The following MAP4K1 variants were observed in gnomAD, a reference collection of about 807,000 sequenced individuals.
MAP4K1 encodes MAPK/ERK kinase kinase kinase 1.
A neutral mutation model predicts 122.8 loss-of-function variants in MAP4K1; 35 were observed. That is an observed-to-expected ratio of 0.29 (90% CI 0.22 to 0.38). The LOEUF (loss-of-function observed/expected upper bound fraction) is 0.38. Ranked by LOEUF, MAP4K1 falls within the 10% of genes least tolerant of loss-of-function variation. The probability of loss-of-function intolerance (pLI) is 1.00; values close to 1 mark genes in which losing one functional copy is unlikely to be tolerated. For missense variants in MAP4K1, 791 were observed against 1,072.6 expected (o/e 0.74, Z 3.67); for synonymous variants, 412 against 421.3 (o/e 0.98, Z 0.27).
rs922912967 is a variant in MAP4K1, at chr19:38,605,259, A to G, written c.1446+150T>C. The G allele has an allele frequency of 9.6e-6, 6 of 626,964 alleles. No individual in the cohort carries two copies. In the Admixed American group the frequency reaches 1.2e-4, roughly 12 times the overall value. The allele number at this position is 626,964 out of a possible 1,614,324, so 38.8% of individuals were successfully genotyped here. A position where few individuals can be genotyped will look rare whatever the true frequency, so the allele number is the denominator to read the frequency against. On this transcript the variant is annotated intron_variant, in intron 19 of 30. Transcript: ENST00000396857. Reference sequence around the variant, plus strand: ...TCTTCACTCTGTGAAGCTTTATGCCATGTAATGATAGGAGATAAGTGTAGG... The same window carrying G: ...TCTTCACTCTGTGAAGCTTTATGCCGTGTAATGATAGGAGATAAGTGTAGG...
Position 38,606,168 on chromosome 19 carries a change from C to T in MAP4K1, c.1200+5G>A. ...CAGCCTCCCAGCTCTGGCCCAGGGC[C>T]TTACCTTGGGGGGAAGTGGAGGAGG... On this transcript the variant is annotated splice_donor_5th_base_variant and intron_variant, in intron 17 of 30. Transcript: ENST00000396857. The T allele has an allele frequency of 6.3e-7, 1 of 1,582,078 alleles. No homozygotes were observed. The highest frequency in any genetic ancestry group is 2.3e-5 in the East Asian group (1 of 44,062).
intron 19 of MAP4K1, 181 bp from the exon 20 acceptor site, chr19:38,601,706 A>T: frequency 3.6e-6 from 2 of 557,590 alleles, no homozygotes; most frequent in South Asian, 4.4e-5. Flanking sequence ...TTTTCTTTTC[A>T]GTTTGTTTTT....
At chr19:38,612,815 A>C (rs1975537975) in intron 8 of MAP4K1, 73 bp from the exon 9 acceptor site, 1 of 1,537,578 alleles carries the variant, frequency 6.5e-7, no homozygotes, top group African/African-American at 1.4e-5. Context: ...GAGAAGGAGA[A>C]GGAGTTGAGG....
Position 38,597,290 on chromosome 19 carries a change from G to GC in MAP4K1, c.1837+35dup. 1 of 1,612,776 alleles carries GC rather than the reference G, an allele frequency of 6.2e-7. No individual in the cohort carries two copies. Among genetic ancestry groups the GC allele is most frequent in the Non-Finnish European group, 8.5e-7 (1 of 1,179,334 alleles). The stretch of plus-strand genomic sequence containing the variant: ...CAAGCCCCTCCTCTGGCCTGGCCCC[G>GC]CCCACTCTCTGCACACCCGTGAAGC... On this transcript the variant is annotated intron_variant, in intron 24 of 30. Coordinates refer to ENST00000396857, the MANE Select transcript of MAP4K1 (RefSeq NM_001042600.3). This position sits in a 1 kb window ranked among gnomAD's most constrained non-coding sequence, Gnocchi z 4.6.
At chr19:38,608,054 C>G (rs376908851) in intron 14 of MAP4K1, 21 bp from the exon 15 acceptor site, 2 of 1,581,560 alleles carry the variant, frequency 1.3e-6, no homozygotes, top group East Asian at 2.2e-5. Context: ...GGAAAAGGGT[C>G]AGCAGTGGCC....
chr19:38,600,945 A>G (rs1975043555), intron 20 of MAP4K1, among the ~76,000 whole-genome samples: 1 of 151,642 alleles, frequency 6.6e-6, no homozygotes, highest in Non-Finnish European at 1.5e-5. Flanking sequence ...AGCTGGGATT[A>G]TAGGCACGTG....
intron 19 of MAP4K1, among the ~76,000 whole-genome samples, chr19:38,602,857 CAT>C (rs1427127369): frequency 5.5e-5 from 8 of 145,894 alleles, no homozygotes; most frequent in Non-Finnish European, 1.2e-4. Context: ...TACACATATA[CAT>C]ATATACACAT....
rs1353789866 is a variant in MAP4K1, at chr19:38,599,218, C to A, written c.1669+707G>T. ...AAAAAAAAAGCCAGTCATGATGGCT[C>A]ACATCTGTAATACCAGCTACTCGGG... is the stretch of plus-strand genomic sequence containing the variant. On this transcript the variant is annotated intron_variant, in intron 22 of 30. Transcript: ENST00000396857. Among the ~76,000 whole-genome samples, 4 of 148,868 alleles carry A rather than the reference C, an allele frequency of 2.7e-5. No homozygotes were observed. In the Admixed American group the frequency reaches 2.7e-4, roughly 10 times the overall value.
Position 38,595,728 on chromosome 19 carries a change from G to A in MAP4K1, c.2181C>T (p.Gly727=), listed in dbSNP as rs780983450. The change falls in exon 28 of 31, where the codon GGC becomes GGT. Residue 727 remains glycine, a splice_region_variant and synonymous_variant. Coordinates refer to ENST00000396857, the MANE Select transcript of MAP4K1 (RefSeq NM_001042600.3). ...EEDMVMVLMD[G]SVKLVTPEGS... ...CCTCCGGGGTCACCAGCTTCACAGAGCCTGGAAGGAGATAGACGGTTTTAA... is the reference window on the plus strand; with the variant it reads ...CCTCCGGGGTCACCAGCTTCACAGAACCTGGAAGGAGATAGACGGTTTTAA... 3 of 1,596,394 alleles carry A rather than the reference G, an allele frequency of 1.9e-6. No homozygotes were observed. The highest frequency in any genetic ancestry group is 4.5e-5 in the East Asian group (2 of 44,718).
chr19:38,606,317 TGAG>T, intron 16 of MAP4K1, 102 bp from the exon 17 acceptor site: 1 of 615,936 alleles, frequency 1.6e-6, no homozygotes, highest in East Asian at 2.8e-5. Flanking sequence ...GGGTCTGAGG[TGAG>T]GAGGATTAAG....
rs760978759 is a variant in MAP4K1 at position 38,607,996 on chromosome 19, C to T, written c.1103G>A (p.Ser368Asn). The change falls in exon 15 of 31, where the codon AGC becomes AAC. Residue 368 changes from serine (S) to asparagine (N), a missense_variant. By Grantham distance (46) the Ser-to-Asn change is conservative. Around this residue, in one of 4 missense-constraint regions of MAP4K1, gnomAD observed 303 missense variants for 344.8 expected, o/e 0.88. Coordinates refer to ENST00000396857, the MANE Select transcript of MAP4K1 (RefSeq NM_001042600.3). ...CCTCCCTGGGGTCCCTGACCTGGGG[C>T]TGCTGCTCCTGAGGTCTCGAGGAGG... ...LQPPRDLRSS[S>N]PRKQLSESSD... 3.4e-5 allele frequency: 54 copies of T among 1,611,332 alleles called. No individual in the cohort carries two copies. Among genetic ancestry groups the T allele is most frequent in the Non-Finnish European group, 4.3e-5 (51 of 1,178,594 alleles).
chr19:38,596,096 C>G, intron 26 of MAP4K1, 95 bp from the exon 27 acceptor site: 2 of 1,402,536 alleles, frequency 1.4e-6, no homozygotes, highest in East Asian at 4.6e-5. Flanking sequence ...TAGCCACCGC[C>G]TCAGTTCACA....
At chr19:38,590,237 G>A (rs8112339) in intron 30 of MAP4K1, among the ~76,000 whole-genome samples, 136,304 of 136,304 alleles carry the variant, frequency 1, 68,152 homozygotes, top group Non-Finnish European at 1. Context: ...ACAGTTAAGG[G>A]ACATTTTAGA....
rs74563124 is a variant in MAP4K1 at position 38,609,520 on chromosome 19, C to T, written c.1006+76G>A. ...GATGATGCTGAGGGTCTCTGGAGGC[C>T]TGATGGTAGGGGAAGGTGGTCTCTT... is the stretch of plus-strand genomic sequence containing the variant. On this transcript the variant is annotated intron_variant, in intron 13 of 30. Coordinates refer to ENST00000396857, the MANE Select transcript of MAP4K1 (RefSeq NM_001042600.3). 2.5e-3 allele frequency: 3,258 copies of T among 1,314,648 alleles called. 61 individuals are homozygous for T. Among genetic ancestry groups the T allele is most frequent in the South Asian group, 0.025 (1,976 of 79,992 alleles). 81.4% of individuals were successfully genotyped at this position (1,314,648 alleles called of 1,614,324 possible).
intron 19 of MAP4K1, among the ~76,000 whole-genome samples, chr19:38,602,393 C>T (rs1975090480): frequency 1.3e-5 from 2 of 149,494 alleles, no homozygotes; most frequent in Non-Finnish European, 3.0e-5. Context: ...TATATATACA[C>T]ATATACATAT....
intron 12 of MAP4K1, 50 bp from the exon 13 acceptor site, chr19:38,609,724 C>T: frequency 2.0e-6 from 3 of 1,534,530 alleles, no homozygotes; most frequent in Non-Finnish European, 2.7e-6. Flanking sequence ...AAGCAGCCTC[C>T]TACCCTGCCC....
chr19:38,605,921 CT>C (rs964894103), intron 17 of MAP4K1, among the ~76,000 whole-genome samples, 191 bp from the exon 18 acceptor site: 1 of 151,640 alleles, frequency 6.6e-6, no homozygotes, highest in African/African-American at 2.4e-5. Context: ...ACTTCAGAAA[CT>C]AATGGGTTAA....
intron 19 of MAP4K1, among the ~76,000 whole-genome samples, chr19:38,603,327 T>C (rs1975212331): frequency 1.3e-5 from 2 of 151,072 alleles, no homozygotes; most frequent in Non-Finnish European, 1.5e-5. Context: ...CATGTACATA[T>C]ATACGCATAT....
At chr19:38,588,990 G>T (rs1974618515) in intron 30 of MAP4K1, among the ~76,000 whole-genome samples, 1 of 151,976 alleles carries the variant, frequency 6.6e-6, no homozygotes, top group Non-Finnish European at 1.5e-5. Flanking sequence ...GACCATGCTG[G>T]TATAAAGAAA....
Sources: gnomAD v4.1 joint callset for allele counts (sites outside exome capture counted in the v4.1 genomes callset) on GRCh38, gnomAD v4.1.1 for gene constraint, gnomAD v4.1.1 regional missense constraint, Gnocchi (gnomAD v3.1) non-coding constraint, MANE v1.5 for transcripts, NCBI Gene and HGNC (gene_info 2026-07-23, HGNC 2026-07-21) for gene names.